CSMD1: variants seen among roughly 807,000 people sequenced by gnomAD.
CSMD1 encodes the protein CUB and sushi domain-containing protein 1.
A neutral mutation model predicts 417.5 loss-of-function variants in CSMD1; 213 were observed. That is an observed-to-expected ratio of 0.51 (90% CI 0.46 to 0.57). CSMD1 has a LOEUF of 0.57. CSMD1 is among the 20% of genes least tolerant of loss of function. The probability of loss-of-function intolerance (pLI) is 0.00; values close to 1 mark genes in which losing one functional copy is unlikely to be tolerated. For missense variants in CSMD1, 6,923 were observed against 4,529.7 expected (o/e 1.53, Z -15.17); for synonymous variants, 2,862 against 1,736.8 (o/e 1.65, Z -16.11).
chr8:4,757,568 T>C lies in CSMD1; in HGVS notation c.86-120010A>G, dbSNP rs574392097. On this transcript the variant is annotated intron_variant, in intron 1 of 69. Transcript: ENST00000635120. ...GTGACACAGACTATTCTGGATAGGC[T>C]AAGTCTGAGCAATAGCCTACAGGAG... Among the ~76,000 whole-genome samples, 10 of 152,314 alleles carry C rather than the reference T, an allele frequency of 6.6e-5. No homozygotes were observed. The South Asian group carries it at 1.7e-3, about 25-fold the overall frequency.
chr8:3,279,604 G>T (rs1802577785), intron 26 of CSMD1, among the ~76,000 whole-genome samples: 1 of 152,094 alleles, frequency 6.6e-6, no homozygotes, highest in South Asian at 2.1e-4. Flanking sequence ...ATATTAGTCT[G>T]CTCTCATGCA....
At chr8:3,617,590 C>T (rs1383404572) in intron 7 of CSMD1, among the ~76,000 whole-genome samples, 2 of 152,114 alleles carry the variant, frequency 1.3e-5, no homozygotes, top group Non-Finnish European at 2.9e-5. Flanking sequence ...TAATAAAGTG[C>T]ATATCTATTT....
intron 1 of CSMD1, among the ~76,000 whole-genome samples, chr8:4,880,575 C>T (rs1472170069): frequency 2.6e-5 from 4 of 152,022 alleles, no homozygotes; most frequent in Non-Finnish European, 5.9e-5. Context: ...TACATAGACA[C>T]ACTTCCTGTG....
chr8:3,291,354 A>C (rs550698984), intron 25 of CSMD1, among the ~76,000 whole-genome samples: 2 of 27,526 alleles, frequency 7.3e-5, no homozygotes, highest in East Asian at 6.1e-4. Context: ...TAAGTTAGGG[A>C]GGATTCCCAT....
rs778902490 is a variant in CSMD1 at position 3,181,229 on chromosome 8, G to A, written c.5621-15C>T. ...TACTGTGGTGCCTGTAAGAAACAAT[G>A]CAGATAGAATTGTAACACTACAAAT... is the stretch of plus-strand genomic sequence containing the variant. On this transcript the variant is annotated splice_polypyrimidine_tract_variant and intron_variant, in intron 36 of 69. Coordinates refer to ENST00000635120, the MANE Select transcript of CSMD1 (RefSeq NM_033225.6). 1 of 1,544,938 alleles carries A rather than the reference G, an allele frequency of 6.5e-7. No individual in the cohort carries two copies. Among genetic ancestry groups the A allele is most frequent in the Admixed American group, 1.7e-5 (1 of 59,698 alleles).
At chr8:3,682,103 G>A (rs1465430486) in intron 7 of CSMD1, among the ~76,000 whole-genome samples, 1 of 152,094 alleles carries the variant, frequency 6.6e-6, no homozygotes, top group Non-Finnish European at 1.5e-5. Flanking sequence ...AGAAAACCTA[G>A]GCAATACTAT....
intron 3 of CSMD1, among the ~76,000 whole-genome samples, chr8:4,092,205 A>G (rs1299620275): frequency 3.3e-5 from 5 of 152,224 alleles, no homozygotes; most frequent in African/African-American, 1.2e-4. Context: ...ACATGTATTG[A>G]TAACTATTTA....
At chr8:3,392,766 T>A (rs1038340178) in intron 17 of CSMD1, among the ~76,000 whole-genome samples, 2 of 152,152 alleles carry the variant, frequency 1.3e-5, no homozygotes, top group East Asian at 3.9e-4. Flanking sequence ...ACTATGATGT[T>A]TGAAGAAACC....
chr8:4,269,894 A>T (rs921761723), intron 3 of CSMD1, among the ~76,000 whole-genome samples: 1 of 152,234 alleles, frequency 6.6e-6, no homozygotes, highest in Admixed American at 6.5e-5. Flanking sequence ...TTTATATTAC[A>T]GAATTCCATT....
chr8:3,709,714 G>A (rs10091302), intron 6 of CSMD1, among the ~76,000 whole-genome samples: 34,337 of 64,962 alleles, frequency 0.53, 6,518 homozygotes, highest in East Asian at 0.65. Flanking sequence ...TTTTTTCCCT[G>A]CTTTCTGCTT....
intron 1 of CSMD1, among the ~76,000 whole-genome samples, chr8:4,721,463 A>T (rs190060631): frequency 1.1e-3 from 173 of 152,336 alleles, no homozygotes; most frequent in Non-Finnish European, 2.2e-3. Context: ...ATTCTGGAAG[A>T]TGCTCAACAT....
At chr8:3,284,841 CTT>C (rs1803027047) in intron 25 of CSMD1, among the ~76,000 whole-genome samples, 1 of 152,168 alleles carries the variant, frequency 6.6e-6, no homozygotes, top group South Asian at 2.1e-4. Context: ...ATGGTCTGCT[CTT>C]GTGTTGTACT....
rs76043570 is a variant in CSMD1, at chr8:4,906,205, A to G, written c.85+88127T>C. On this transcript the variant is annotated intron_variant, in intron 1 of 69. Coordinates refer to ENST00000635120, the MANE Select transcript of CSMD1 (RefSeq NM_033225.6). ...GAGTCTAGAAAATCACCCTTTCACT[A>G]GCAGAAGAAACTATTTGCTGTCTAA... 4.6e-3 allele frequency among the ~76,000 whole-genome samples: 708 copies of G among 152,334 alleles called. 24 individuals are homozygous for G. In the East Asian group the frequency reaches 0.097, roughly 21 times the overall value.
chr8:4,306,234 C>T (rs142702949), intron 3 of CSMD1, among the ~76,000 whole-genome samples: 4 of 152,240 alleles, frequency 2.6e-5, no homozygotes, highest in Non-Finnish European at 5.9e-5. Flanking sequence ...CAAAATATCA[C>T]GACACTAACA....
intron 3 of CSMD1, among the ~76,000 whole-genome samples, chr8:4,089,905 T>A (rs770451912): frequency 1.3e-5 from 2 of 152,098 alleles, no homozygotes; most frequent in East Asian, 3.9e-4. Context: ...AGGGACCTGA[T>A]TGGAATGAAC....
chr8:4,683,732 T>A (rs1225161857), intron 1 of CSMD1, among the ~76,000 whole-genome samples: 1 of 152,230 alleles, frequency 6.6e-6, no homozygotes, highest in Non-Finnish European at 1.5e-5. Context: ...GGTAGTAAAT[T>A]TCCCATTTTT....
At chr8:4,755,683 C>G (rs529986102) in intron 1 of CSMD1, among the ~76,000 whole-genome samples, 1 of 152,156 alleles carries the variant, frequency 6.6e-6, no homozygotes, top group Non-Finnish European at 1.5e-5. Flanking sequence ...TTCAATAATT[C>G]GCAGTTAAAG....
intron 3 of CSMD1, among the ~76,000 whole-genome samples, chr8:4,165,327 C>T (rs561417860): frequency 3.3e-5 from 5 of 152,190 alleles, no homozygotes; most frequent in Non-Finnish European, 7.3e-5. Flanking sequence ...GCTGTAGAAG[C>T]GCAAACACGT....
chr8:4,065,205 T>G (rs1585237215), intron 3 of CSMD1, among the ~76,000 whole-genome samples: 1 of 152,200 alleles, frequency 6.6e-6, no homozygotes, highest in African/African-American at 2.4e-5. Context: ...TAACTTCTTA[T>G]GAAAGAAAAT....
Sources: gnomAD v4.1 joint callset for allele counts (sites outside exome capture counted in the v4.1 genomes callset) on GRCh38, gnomAD v4.1.1 for gene constraint, MANE v1.5 for transcripts, NCBI Gene and HGNC (gene_info 2026-07-23, HGNC 2026-07-21) for gene names.